AIM2: variants seen among roughly 807,000 people sequenced by gnomAD.
AIM2 encodes absent in melanoma 2.
In AIM2, 30 loss-of-function variants were observed where a neutral mutation model predicts 27.7. The ratio of observed to expected loss-of-function variants is 1.08; its 90% CI spans 0.81 to 1.47. AIM2 has a LOEUF of 1.47. Among genes scored for constraint, AIM2 ranks in the 40% most tolerant of loss-of-function variants. The probability of loss-of-function intolerance (pLI) is 0.00; values close to 1 mark genes in which losing one functional copy is unlikely to be tolerated. For synonymous variants in AIM2, 141 were observed against 145.3 expected, an observed-to-expected ratio of 0.97 and a Z score of 0.21; for missense variants, 358 against 411.3, an observed-to-expected ratio of 0.87 and a Z score of 1.12.
rs559197400 is a variant in AIM2 at position 159,128,642 on chromosome 1, C to A, written c.-16+11789G>T. 2.0e-5 allele frequency among the ~76,000 whole-genome samples: 3 copies of A among 152,174 alleles called. No individual in the cohort carries two copies. In the East Asian group the frequency reaches 5.8e-4, roughly 29 times the overall value. On this transcript the variant is annotated intron_variant, in intron 1 of 2. Transcript: ENST00000368129. ...TTTGTCCTTCCTTCCCTCCCACACC[C>A]CCTCTTTCCAGGATCTAGATACTTT... is the stretch of plus-strand genomic sequence containing the variant.
chr1:159,145,059 T>A (rs2102062919), upstream of AIM2, among the ~76,000 whole-genome samples: 1 of 152,258 alleles, frequency 6.6e-6, no homozygotes, highest in East Asian at 1.9e-4. Context: ...CTTCTCATGT[T>A]CCTACCTGCT....
At chr1:159,130,604 A>T (rs921556280) in intron 1 of AIM2, among the ~76,000 whole-genome samples, 2 of 151,994 alleles carry the variant, frequency 1.3e-5, no homozygotes, top group Non-Finnish European at 2.9e-5. Context: ...ACTGAGTCTT[A>T]TTCATTTGAT....
intron 1 of AIM2, among the ~76,000 whole-genome samples, chr1:159,112,164 C>T (rs778087513): frequency 6.6e-6 from 1 of 152,246 alleles, no homozygotes; most frequent in East Asian, 1.9e-4. Flanking sequence ...AAGACATACT[C>T]CAGTTCCTAT....
At chr1:159,095,242 A>G (rs1174368676) in intron 1 of AIM2, among the ~76,000 whole-genome samples, 1 of 152,230 alleles carries the variant, frequency 6.6e-6, no homozygotes, top group African/African-American at 2.4e-5. Context: ...AAGGAAGAAA[A>G]CATTTAAATC....
intron 1 of AIM2, among the ~76,000 whole-genome samples, chr1:159,127,600 C>T (rs1647755664): frequency 6.6e-6 from 1 of 152,208 alleles, no homozygotes; most frequent in African/African-American, 2.4e-5. Context: ...TATGACGCAG[C>T]AAAACTATTC....
chr1:159,104,677 T>C (rs766192944), intron 1 of AIM2, among the ~76,000 whole-genome samples: 61 of 152,226 alleles, frequency 4.0e-4, no homozygotes, highest in Admixed American at 1.1e-3. Flanking sequence ...TCAGATATAT[T>C]AAATTGACTT....
rs145420527 is a variant in AIM2 at position 159,063,560 on chromosome 1, G to C, written c.931C>G (p.Arg311Gly). 1 of 1,613,924 alleles carries C rather than the reference G, an allele frequency of 6.2e-7. No individual in the cohort carries two copies. Among genetic ancestry groups the C allele is most frequent in the African/African-American group, 1.3e-5 (1 of 74,906 alleles). ...TTTGACAGTGTGAAGAATGTAAGTC[G>C]AACCTTATCTCCTTCCTTACATTTC... is the stretch of plus-strand genomic sequence containing the variant. Reference protein sequence around the residue: ...TMKCKEGDKVRLTFFTLSKNG... With the variant: ...TMKCKEGDKVGLTFFTLSKNG... Residue 311 changes from arginine to glycine, a missense_variant, in exon 5 of 6, where the codon CGA (arginine) becomes GGA (glycine). Transcript: ENST00000368130.
chr1:159,061,144 A>T (rs1655820837), downstream of AIM2, among the ~76,000 whole-genome samples: 2 of 152,182 alleles, frequency 1.3e-5, no homozygotes, highest in Admixed American at 1.3e-4. Context: ...CAAGAGTTTC[A>T]GTTTTTCCAA....
At chr1:159,137,323 A>C (rs1046531730) in intron 1 of AIM2, among the ~76,000 whole-genome samples, 4 of 152,148 alleles carry the variant, frequency 2.6e-5, no homozygotes, top group Admixed American at 1.3e-4. Flanking sequence ...CACAAAGAGG[A>C]ATTGACCCAT....
intron 1 of AIM2, among the ~76,000 whole-genome samples, chr1:159,074,798 A>C (rs1656527391): frequency 1.3e-5 from 2 of 152,162 alleles, no homozygotes; most frequent in African/African-American, 4.8e-5. Context: ...GGAAACTTAT[A>C]AAACTTTATT....
intron 1 of AIM2, among the ~76,000 whole-genome samples, chr1:159,094,698 C>T (rs949522047): frequency 6.6e-6 from 1 of 151,420 alleles, no homozygotes; most frequent in African/African-American, 2.4e-5. Flanking sequence ...ACTCTGTCTC[C>T]GAAGAAAAAA....
upstream of AIM2, among the ~76,000 whole-genome samples, chr1:159,142,770 T>G (rs544159429): frequency 1.6e-4 from 25 of 152,368 alleles, no homozygotes; most frequent in African/African-American, 5.8e-4. Flanking sequence ...TAATTTCCAC[T>G]GAGCCCATTT....
intron 1 of AIM2, chr1:159,146,963 A>T (rs1648219567): frequency 6.6e-6 from 1 of 151,938 alleles, no homozygotes; most frequent in African/African-American, 2.4e-5. Flanking sequence ...CATCCTTCTA[A>T]ATCTCCTTCC....
At position 159,073,583 on chromosome 1, in the gene AIM2, CA is replaced by C. The variant is rs1177113640; in HGVS notation, c.-20-65del. Reference sequence around the variant, plus strand: ...AAGTGATTCTACATTCAAAATAAAGCAAGGTGAGCTATTAATATTTTTTAAA... The same window carrying C: ...AAGTGATTCTACATTCAAAATAAAGCAGGTGAGCTATTAATATTTTTTAAA... On this transcript the variant is annotated intron_variant, in intron 1 of 5. Transcript: ENST00000368130. 6 of 1,431,362 alleles carry C rather than the reference CA, an allele frequency of 4.2e-6. No homozygotes were observed. The African/African-American group carries it at 8.6e-5, about 20-fold the overall frequency. 88.7% of individuals were successfully genotyped at this position (1,431,362 alleles called of 1,614,324 possible).
upstream of AIM2, among the ~76,000 whole-genome samples, chr1:159,080,469 T>G (rs542666588): frequency 1.3e-5 from 2 of 152,204 alleles, no homozygotes; most frequent in Non-Finnish European, 1.5e-5. Flanking sequence ...TAGTGATGCC[T>G]CAATTTCAGA....
intron 1 of AIM2, among the ~76,000 whole-genome samples, chr1:159,115,586 C>G (rs560519482): frequency 2.6e-5 from 4 of 152,074 alleles, no homozygotes; most frequent in East Asian, 1.9e-4. Context: ...AACGGGGAAA[C>G]GATTCCCTAT....
chr1:159,122,705 A>G (rs1647569953), intron 1 of AIM2, among the ~76,000 whole-genome samples: 1 of 152,228 alleles, frequency 6.6e-6, no homozygotes, highest in African/African-American at 2.4e-5. Context: ...AACCAGCCTG[A>G]GTCAAAATTG....
intron 1 of AIM2, among the ~76,000 whole-genome samples, chr1:159,117,392 G>A (rs1647400309): frequency 6.6e-6 from 1 of 152,142 alleles, no homozygotes; most frequent in Admixed American, 6.5e-5. Flanking sequence ...CCTGAGACAG[G>A]GCAGAAGAGG....
At chr1:159,134,142 C>T (rs1409240506) in intron 1 of AIM2, among the ~76,000 whole-genome samples, 1 of 152,220 alleles carries the variant, frequency 6.6e-6, no homozygotes, top group Non-Finnish European at 1.5e-5. Context: ...TCTAATCCAT[C>T]AACAAATCCT....
Sources: gnomAD v4.1 joint callset for allele counts (sites outside exome capture counted in the v4.1 genomes callset) on GRCh38, gnomAD v4.1.1 for gene constraint, MANE v1.5 for transcripts, NCBI Gene and HGNC (gene_info 2026-07-23, HGNC 2026-07-21) for gene names.